CPNE7: variants seen among roughly 807,000 people sequenced by gnomAD.
The protein encoded by CPNE7 is copine 7.
Under a neutral mutation model 66.5 loss-of-function variants are expected in CPNE7, and 78 were observed. That is an observed-to-expected ratio of 1.17 (90% CI 0.98 to 1.42). CPNE7 has a LOEUF of 1.42. Among genes scored for constraint, CPNE7 ranks in the 40% most tolerant of loss-of-function variants. The pLI, the probability that CPNE7 is intolerant of heterozygous loss-of-function variation, is 0.00. For synonymous variants in CPNE7, 468 were observed against 336.7 expected, an observed-to-expected ratio of 1.39 and a Z score of -4.27; for missense variants, 1,012 against 776.6, an observed-to-expected ratio of 1.30 and a Z score of -3.60.
At chr16:89,595,984 G>A (rs564764082) in intron 14 of CPNE7, 21 of 496,288 alleles carry the variant, frequency 4.2e-5, no homozygotes, top group East Asian at 1.6e-4. Flanking sequence ...CCGGTGAGAC[G>A]CACAGCACAC....
rs763674742 is a variant in CPNE7, at chr16:89,583,671, C to T, written c.358-26C>T. On this transcript the variant is annotated intron_variant, in intron 2 of 14. Coordinates refer to ENST00000319518, the MANE Select transcript of CPNE7 (RefSeq NM_153636.3). ...TCAGGAGCCGTCCCCGCCTGCCCCT[C>T]CCTGCCTGACGCCTCTGACTTACAG... The T allele has an allele frequency of 3.7e-6, 6 of 1,612,516 alleles. No individual in the cohort carries two copies. In the South Asian group the frequency reaches 6.6e-5, roughly 18 times the overall value.
At chr16:89,589,384 C>G (rs562823528) in intron 10 of CPNE7, among the ~76,000 whole-genome samples, 1 of 152,192 alleles carries the variant, frequency 6.6e-6, no homozygotes, top group African/African-American at 2.4e-5. Context: ...CGTCTGTGTC[C>G]CGCTTTGCCA....
chr16:89,581,388 G>A (rs1379034346), intron 2 of CPNE7, among the ~76,000 whole-genome samples: 1 of 152,012 alleles, frequency 6.6e-6, no homozygotes, highest in Non-Finnish European at 1.5e-5. Context: ...ACCCGCAGCT[G>A]CCCCTGCCCC....
chr16:89,578,316 T>G (rs940415318), intron 2 of CPNE7, among the ~76,000 whole-genome samples: 17 of 152,022 alleles, frequency 1.1e-4, no homozygotes, highest in Admixed American at 1.1e-3. Context: ...GCCTGCCTTG[T>G]CCTCCCAAAG....
At chr16:89,591,587 G>C (rs1248764515) in intron 13 of CPNE7, among the ~76,000 whole-genome samples, 3 of 152,198 alleles carry the variant, frequency 2.0e-5, no homozygotes, top group Non-Finnish European at 2.9e-5. Context: ...GTTTACATGT[G>C]TCTTTCCTTT....
chr16:89,591,280 G>C lies in CPNE7; in HGVS notation c.1302+20G>C. The C allele has an allele frequency of 6.5e-7, 1 of 1,547,646 alleles. No homozygotes were observed. The highest frequency in any genetic ancestry group is 8.7e-7 in the Non-Finnish European group (1 of 1,147,650). ...GCCTCTGTAGGTGCCCGGGGGGTGT[G>C]GTGCATGCTTGGTGTGGGGTCGGCT... On this transcript the variant is annotated intron_variant, in intron 13 of 14. Coordinates refer to ENST00000319518, the MANE Select transcript of CPNE7 (RefSeq NM_153636.3).
rs184149806 is a variant in CPNE7, at chr16:89,588,242, C to T, written c.928-433C>T. 4.6e-5 allele frequency among the ~76,000 whole-genome samples: 7 copies of T among 152,172 alleles called. No homozygotes were observed. The East Asian group carries it at 9.7e-4, about 21-fold the overall frequency. On this transcript the variant is annotated intron_variant, in intron 9 of 14. Transcript: ENST00000319518. ...ACAGATACACGGCCCCCGTGTCACC[C>T]GCGTGTTATTTGCAGATGCGCTGGT...
chr16:89,586,057 G>C (rs1221458868), intron 7 of CPNE7, among the ~76,000 whole-genome samples: 2 of 121,038 alleles, frequency 1.7e-5, no homozygotes, highest in Non-Finnish European at 3.7e-5. Context: ...GGGAGGGGCA[G>C]GTGAGGGGGG....
chr16:89,587,718 ACC>A lies in CPNE7; in HGVS notation c.927+620_927+621del, dbSNP rs1379343391. ...GCACACCCCGTGTCACCCCCATAGC[ACC>A]CCCGTGTCACCCACAGATACACGGC... On this transcript the variant is annotated intron_variant, in intron 9 of 14. Coordinates refer to ENST00000319518, the MANE Select transcript of CPNE7 (RefSeq NM_153636.3). 697 of 169,946 alleles carry A rather than the reference ACC, an allele frequency of 4.1e-3. 57 individuals are homozygous for A. The highest frequency in any genetic ancestry group is 0.016 in the African/African-American group (464 of 28,308). 10.5% of individuals were successfully genotyped at this position (169,946 alleles called of 1,614,324 possible). A position where few individuals can be genotyped will look rare whatever the true frequency, so the allele number is the denominator to read the frequency against.
Position 89,577,736 on chromosome 16 carries a change from C to CT in CPNE7, c.357+15_357+16insT. The CT allele has an allele frequency of 1.3e-6, 2 of 1,574,748 alleles. No individual in the cohort carries two copies. Among genetic ancestry groups the CT allele is most frequent in the Non-Finnish European group, 1.7e-6 (2 of 1,160,728 alleles). On this transcript the variant is annotated intron_variant, in intron 2 of 14. Coordinates refer to ENST00000319518, the MANE Select transcript of CPNE7 (RefSeq NM_153636.3). ...CCCTGGGGCAGGTGGGTGCCCCGTC[C>CT]CCTCGGAGGGAGGAGGACGGTTGGC...
rs1461783267 is a variant in CPNE7 at position 89,585,536 on chromosome 16, G to C, written c.664G>C (p.Glu222Gln). The stretch of plus-strand genomic sequence containing the variant: ...TCTGAGTTCCCTCTGCAGCTGCGAG[G>C]AGACAAGGCCTCTAAAGGTGGGGGA... The part of the protein sequence containing the change: ...VSLSSLCSCE[E>Q]TRPLKCLVWD... Residue 222 changes from glutamate (E) to glutamine (Q), a missense_variant, in exon 6 of 15, where the codon GAG (glutamate) becomes CAG (glutamine). Glu to Gln is a conservative substitution (Grantham distance 29). Transcript: ENST00000319518. The C allele has an allele frequency of 6.2e-7, 1 of 1,611,496 alleles. No individual in the cohort carries two copies. The highest frequency in any genetic ancestry group is 1.1e-5 in the South Asian group (1 of 90,790).
intron 11 of CPNE7, among the ~76,000 whole-genome samples, 175 bp downstream of exon 11, chr16:89,590,126 C>T (rs1015314773): frequency 2.6e-5 from 4 of 152,198 alleles, no homozygotes; most frequent in African/African-American, 7.2e-5. Context: ...TGGCCTTTGG[C>T]CTCCTAGGAC....
intron 10 of CPNE7, 67 bp downstream of exon 10, chr16:89,588,875 C>T (rs1449086201): frequency 1.3e-6 from 2 of 1,582,998 alleles, no homozygotes; most frequent in South Asian, 1.1e-5. Context: ...GCCTGGCCGT[C>T]TTCCCCCTCA....
chr16:89,588,217 A>G (rs1317838161), intron 9 of CPNE7, among the ~76,000 whole-genome samples: 1 of 147,446 alleles, frequency 6.8e-6, no homozygotes, highest in Admixed American at 6.7e-5. Flanking sequence ...CGTGTCACCC[A>G]CAGATACACG....
At chr16:89,586,868 TG>T in intron 8 of CPNE7, 112 bp downstream of exon 8, 1 of 1,161,536 alleles carries the variant, frequency 8.6e-7, no homozygotes, top group Non-Finnish European at 1.3e-6. Context: ...CCAGCACGTC[TG>T]GGGAGGGGCT....
chr16:89,577,039 C>G (rs1308903673), intron 1 of CPNE7, among the ~76,000 whole-genome samples: 1 of 152,216 alleles, frequency 6.6e-6, no homozygotes, highest in African/African-American at 2.4e-5. Context: ...GTTTGAGGTG[C>G]AGGATTTTTC....
At chr16:89,588,191 GCCCCCGTGTCA>G (rs1334547922) in intron 9 of CPNE7, among the ~76,000 whole-genome samples, 3 of 22,852 alleles carry the variant, frequency 1.3e-4, no homozygotes, top group Non-Finnish European at 2.7e-4. Context: ...CAGATACACG[GCCCCCGTGTCA>G]CCCGCGTGTC....
intron 2 of CPNE7, among the ~76,000 whole-genome samples, chr16:89,581,423 T>C (rs1159949747): frequency 6.6e-6 from 1 of 152,230 alleles, no homozygotes; most frequent in Non-Finnish European, 1.5e-5. Context: ...CCCGCCTGGT[T>C]CGTCTCTTCT....
At chr16:89,583,407 G>C (rs1371336127) in intron 2 of CPNE7, 1 of 1,541,162 alleles carries the variant, frequency 6.5e-7, no homozygotes, top group Non-Finnish European at 8.8e-7. Flanking sequence ...CTGCTTCCTG[G>C]CTTCCACCTG....
Sources: gnomAD v4.1 joint callset for allele counts (sites outside exome capture counted in the v4.1 genomes callset) on GRCh38, gnomAD v4.1.1 for gene constraint, MANE v1.5 for transcripts, NCBI Gene and HGNC (gene_info 2026-07-23, HGNC 2026-07-21) for gene names.